Variants in NMNAT2 observed in about 807,000 individuals in gnomAD.
NMNAT2 encodes the protein nicotinamide/nicotinic acid mononucleotide adenylyltransferase 2.
A neutral mutation model predicts 41.6 loss-of-function variants in NMNAT2; 11 were observed. The ratio of observed to expected loss-of-function variants is 0.26; its 90% CI spans 0.17 to 0.44. The LOEUF is 0.44. NMNAT2 is among the 20% of genes least tolerant of loss of function. NMNAT2 has a pLI of 1.00. For missense variants in NMNAT2, 288 were observed against 407.7 expected (o/e 0.71, Z 2.53); for synonymous variants, 148 against 151.2 (o/e 0.98, Z 0.16).
intron 10 of NMNAT2, among the ~76,000 whole-genome samples, chr1:183,260,543 C>T (rs1349496245): frequency 6.6e-6 from 1 of 152,104 alleles, no homozygotes; most frequent in Non-Finnish European, 1.5e-5. Flanking sequence ...TGGGGCCGGG[C>T]ACAGTGGCTC....
chr1:183,410,084 G>A (rs185380928), intron 1 of NMNAT2, among the ~76,000 whole-genome samples: 3,977 of 151,866 alleles, frequency 0.026, 82 homozygotes, highest in Middle Eastern at 0.061. Context: ...TGAGGCAGGC[G>A]GATCACCTGA....
intron 1 of NMNAT2, among the ~76,000 whole-genome samples, chr1:183,371,081 A>C (rs1160322177): frequency 6.6e-6 from 1 of 152,204 alleles, no homozygotes; most frequent in Non-Finnish European, 1.5e-5. Flanking sequence ...AGGAGAAAAA[A>C]AAGGCCAGGG....
intron 10 of NMNAT2, among the ~76,000 whole-genome samples, chr1:183,257,360 G>C (rs1442335839): frequency 7.2e-5 from 11 of 152,098 alleles, no homozygotes; most frequent in Admixed American, 5.9e-4. Context: ...AGAATCACTT[G>C]AACCCGGGAC....
chr1:183,339,906 T>C (rs1297453517), intron 1 of NMNAT2, among the ~76,000 whole-genome samples: 1 of 151,884 alleles, frequency 6.6e-6, no homozygotes, highest in Admixed American at 6.5e-5. Context: ...CACAGGCATG[T>C]ACTGAGCAGC....
chr1:183,411,025 C>A (rs1484410849), intron 1 of NMNAT2, among the ~76,000 whole-genome samples: 2 of 151,920 alleles, frequency 1.3e-5, no homozygotes, highest in African/African-American at 2.4e-5. Flanking sequence ...GCCAAGAATG[C>A]CTTTCTCTAT....
intron 1 of NMNAT2, among the ~76,000 whole-genome samples, chr1:183,354,650 C>G (rs1032411674): frequency 2.0e-5 from 3 of 152,120 alleles, no homozygotes; most frequent in African/African-American, 7.2e-5. Flanking sequence ...CTCCTGGGCT[C>G]AAGTGATCCT....
intron 1 of NMNAT2, among the ~76,000 whole-genome samples, chr1:183,355,218 C>G (rs1469254237): frequency 6.6e-6 from 1 of 152,188 alleles, no homozygotes; most frequent in African/African-American, 2.4e-5. Flanking sequence ...GAGAGGACTT[C>G]TGAGACTCTT....
intron 1 of NMNAT2, among the ~76,000 whole-genome samples, chr1:183,315,793 A>AG (rs1409455407): frequency 6.6e-6 from 1 of 151,598 alleles, no homozygotes; most frequent in Admixed American, 6.6e-5. Context: ...AAAAAAAAAA[A>AG]AAGCAAAGAA....
chr1:183,385,861 C>G (rs1427974297), intron 1 of NMNAT2, among the ~76,000 whole-genome samples: 2 of 152,198 alleles, frequency 1.3e-5, no homozygotes, highest in African/African-American at 4.8e-5. Context: ...GTTCCTCTCT[C>G]AGACCAAGAC....
At chr1:183,412,652 T>C (rs1020985364) in intron 1 of NMNAT2, among the ~76,000 whole-genome samples, 2 of 152,230 alleles carry the variant, frequency 1.3e-5, no homozygotes, top group African/African-American at 2.4e-5. Flanking sequence ...GGGATGTAGA[T>C]GGAGAGAGGT....
At chr1:183,392,166 TC>T (rs1445511745) in intron 1 of NMNAT2, among the ~76,000 whole-genome samples, 1 of 152,196 alleles carries the variant, frequency 6.6e-6, no homozygotes, top group East Asian at 1.9e-4. Context: ...AAGCAACATG[TC>T]CAAGACCGAG....
At chr1:183,298,978 T>C (rs80127278) in intron 1 of NMNAT2, among the ~76,000 whole-genome samples, 1 of 152,352 alleles carries the variant, frequency 6.6e-6, no homozygotes, top group African/African-American at 2.4e-5. Flanking sequence ...GCTTTATTTG[T>C]AATAATCAAA....
intron 8 of NMNAT2, among the ~76,000 whole-genome samples, chr1:183,269,462 C>T (rs1447783934): frequency 6.6e-6 from 1 of 152,228 alleles, no homozygotes; most frequent in Non-Finnish European, 1.5e-5. Flanking sequence ...GCAGGGCCAT[C>T]CTGAGATCAG....
intron 1 of NMNAT2, among the ~76,000 whole-genome samples, chr1:183,310,575 C>A (rs1662091089): frequency 6.6e-6 from 1 of 152,274 alleles, no homozygotes; most frequent in East Asian, 1.9e-4. Flanking sequence ...TGATCACCCC[C>A]CAGGGCACAT....
At chr1:183,281,898 C>T (rs534795808) in intron 7 of NMNAT2, among the ~76,000 whole-genome samples, 2 of 152,366 alleles carry the variant, frequency 1.3e-5, no homozygotes, top group African/African-American at 4.8e-5. Flanking sequence ...CGGGAGGCAG[C>T]GAGCTCCCTT....
intron 1 of NMNAT2, among the ~76,000 whole-genome samples, chr1:183,354,946 G>A (rs113967086): frequency 6.2e-4 from 95 of 152,102 alleles, no homozygotes; most frequent in African/African-American, 2.0e-3. Flanking sequence ...TTAAATTTTC[G>A]AAACATATAT....
chr1:183,323,877 G>A (rs1443230743), intron 1 of NMNAT2, among the ~76,000 whole-genome samples: 1 of 152,246 alleles, frequency 6.6e-6, no homozygotes, highest in Non-Finnish European at 1.5e-5. Flanking sequence ...GAGGCTAAGA[G>A]AGAGAAAGGC....
chr1:183,250,224 T>A lies in NMNAT2; in HGVS notation c.*2417A>T, dbSNP rs1395572319. 1 of 152,234 alleles carries A rather than the reference T, an allele frequency of 6.6e-6. No homozygotes were observed. Among genetic ancestry groups the A allele is most frequent in the Non-Finnish European group, 1.5e-5 (1 of 68,058 alleles). The allele number at this position is 152,234 out of a possible 1,614,324, so 9.4% of individuals were successfully genotyped here. On this transcript the variant is annotated 3_prime_UTR_variant, in exon 11 of 11. Transcript: ENST00000287713. ...GACAAGGCTGTTCCATCTTTCGCTC[T>A]CCAGCAATAGCATCATCCTGAGCAC... is the stretch of plus-strand genomic sequence containing the variant.
At chr1:183,290,792 G>A (rs1333355708) in intron 3 of NMNAT2, 1 of 152,294 alleles carries the variant, frequency 6.6e-6, no homozygotes, top group East Asian at 1.9e-4. Flanking sequence ...TGTGGGCGTG[G>A]AGGTGAGACA....
Sources: allele counts gnomAD v4.1 joint callset (sites outside exome capture counted in the v4.1 genomes callset), GRCh38; gene constraint gnomAD v4.1.1; transcripts MANE v1.5; gene names NCBI Gene and HGNC (gene_info 2026-07-23, HGNC 2026-07-21).